Variants in TRAPPC9 observed in about 807,000 individuals in gnomAD.
TRAPPC9 encodes the protein IKK2 binding protein.
A neutral mutation model predicts 124.0 loss-of-function variants in TRAPPC9; 83 were observed. That is an observed-to-expected ratio of 0.67 (90% CI 0.56 to 0.80). The LOEUF is 0.80. Among genes scored for constraint, TRAPPC9 ranks in the 30% least tolerant of loss-of-function variants. The pLI is 0.00. For synonymous variants in TRAPPC9, 638 were observed against 617.5 expected (o/e 1.03, Z -0.49); for missense variants, 1,302 against 1,508.3 (o/e 0.86, Z 2.27).
chr8:139,838,799 G>A (rs183651891), intron 21 of TRAPPC9, among the ~76,000 whole-genome samples: 121 of 152,322 alleles, frequency 7.9e-4, no homozygotes, highest in Admixed American at 2.5e-3. Flanking sequence ...GAGGCCTGAT[G>A]TCCAGGGCTT....
chr8:139,880,454 A>G (rs1379869981), intron 21 of TRAPPC9, among the ~76,000 whole-genome samples: 1 of 152,116 alleles, frequency 6.6e-6, no homozygotes, highest in Non-Finnish European at 1.5e-5. Flanking sequence ...ATGACTTGCA[A>G]AGTCTCAAGA....
At chr8:139,735,330 G>C (rs1226261066) in intron 21 of TRAPPC9, among the ~76,000 whole-genome samples, 1 of 152,230 alleles carries the variant, frequency 6.6e-6, no homozygotes. Context: ...ATGAGCATTT[G>C]AGGGACTTTG....
intron 17 of TRAPPC9, among the ~76,000 whole-genome samples, chr8:140,083,474 G>A (rs372169932): frequency 9.3e-4 from 142 of 152,186 alleles, no homozygotes; most frequent in African/African-American, 2.6e-3. Context: ...AAACGCACAC[G>A]CAACGCAGTA....
rs572543894 is a variant in TRAPPC9 at position 140,285,074 on chromosome 8, C to A, written c.1982-1053G>T. Reference sequence around the variant, plus strand: ...TGCTTAAAATAACTGCCATATAAACCCAAAAGTCTGAGGACAAATAGCACA... The same window carrying A: ...TGCTTAAAATAACTGCCATATAAACACAAAAGTCTGAGGACAAATAGCACA... On this transcript the variant is annotated intron_variant, in intron 13 of 22. Transcript: ENST00000438773. 4.6e-5 allele frequency among the ~76,000 whole-genome samples: 7 copies of A among 152,208 alleles called. No individual in the cohort carries two copies. The South Asian group carries it at 1.5e-3, about 32-fold the overall frequency.
intron 17 of TRAPPC9, among the ~76,000 whole-genome samples, chr8:140,028,211 A>G (rs1284343271): frequency 6.6e-6 from 1 of 152,170 alleles, no homozygotes; most frequent in Non-Finnish European, 1.5e-5. Context: ...AAGACACAGG[A>G]TGTCCAAGCC....
At chr8:140,354,300 C>T (rs2067675232) in intron 9 of TRAPPC9, among the ~76,000 whole-genome samples, 1 of 152,184 alleles carries the variant, frequency 6.6e-6, no homozygotes, top group African/African-American at 2.4e-5. Flanking sequence ...TGGAATGCCA[C>T]AGAAGCTCTG....
chr8:140,351,938 A>G (rs766960886), intron 9 of TRAPPC9, among the ~76,000 whole-genome samples: 1 of 152,226 alleles, frequency 6.6e-6, no homozygotes, highest in African/African-American at 2.4e-5. Flanking sequence ...TTTTGAGGAT[A>G]TCACACAGTT....
chr8:140,305,095 C>G (rs1362731555), intron 10 of TRAPPC9, among the ~76,000 whole-genome samples: 2 of 152,190 alleles, frequency 1.3e-5, no homozygotes, highest in African/African-American at 2.4e-5. Flanking sequence ...ATGCATTTCC[C>G]CAGTGTGACT....
At chr8:140,449,067 C>G (rs2071367158) in intron 2 of TRAPPC9, among the ~76,000 whole-genome samples, 1 of 152,168 alleles carries the variant, frequency 6.6e-6, no homozygotes, top group Non-Finnish European at 1.5e-5. Flanking sequence ...TGCAAAGCAC[C>G]ACAGGCAGGT....
At chr8:140,253,682 GA>G (rs767404945) in intron 15 of TRAPPC9, among the ~76,000 whole-genome samples, 3 of 148,996 alleles carry the variant, frequency 2.0e-5, no homozygotes, top group Admixed American at 6.7e-5. Flanking sequence ...CATCTCAAAA[GA>G]AAAAAAAAAC....
At chr8:140,056,927 A>G (rs1842318297) in intron 17 of TRAPPC9, among the ~76,000 whole-genome samples, 1 of 152,252 alleles carries the variant, frequency 6.6e-6, no homozygotes, top group South Asian at 2.1e-4. Context: ...ATAAGGGATT[A>G]ATATCCAAAA....
intron 21 of TRAPPC9, among the ~76,000 whole-genome samples, chr8:139,860,349 C>T (rs558632605): frequency 6.7e-4 from 102 of 152,272 alleles, no homozygotes; most frequent in African/African-American, 2.3e-3. Context: ...GGGTGGAGGT[C>T]GGGAACAACC....
At chr8:140,112,993 C>T (rs2060811309) in intron 17 of TRAPPC9, among the ~76,000 whole-genome samples, 1 of 152,132 alleles carries the variant, frequency 6.6e-6, no homozygotes, top group African/African-American at 2.4e-5. Flanking sequence ...GCATGAGCCA[C>T]TGCAGCCAGC....
At chr8:139,854,963 G>A (rs1437085014) in intron 21 of TRAPPC9, among the ~76,000 whole-genome samples, 1 of 152,198 alleles carries the variant, frequency 6.6e-6, no homozygotes, top group African/African-American at 2.4e-5. Flanking sequence ...ACCGAGCCTT[G>A]GCATGGGCTG....
chr8:139,755,940 G>C (rs1328706085), intron 21 of TRAPPC9, among the ~76,000 whole-genome samples: 26 of 123,830 alleles, frequency 2.1e-4, no homozygotes, highest in Non-Finnish European at 3.8e-4. Context: ...GATGAGGACC[G>C]CAGGTCGCAG....
chr8:140,050,123 T>A (rs1841892693), intron 17 of TRAPPC9, among the ~76,000 whole-genome samples: 1 of 152,186 alleles, frequency 6.6e-6, no homozygotes, highest in South Asian at 2.1e-4. Flanking sequence ...CCACCAGATC[T>A]GAGGTCAGCC....
intron 21 of TRAPPC9, among the ~76,000 whole-genome samples, chr8:139,797,440 A>C (rs1365451012): frequency 6.6e-6 from 1 of 152,062 alleles, no homozygotes; most frequent in Non-Finnish European, 1.5e-5. Context: ...TTGACTTTTT[A>C]GTAGAGACAG....
rs903429178 is a variant in TRAPPC9, at chr8:139,926,546, T to C, written c.2811-16246A>G. Among the ~76,000 whole-genome samples, 9 of 133,522 alleles carry C rather than the reference T, an allele frequency of 6.7e-5. No individual in the cohort carries two copies. The South Asian group carries it at 7.0e-4, about 10-fold the overall frequency. The allele number at this position is 133,522 out of a possible 152,430, so 87.6% of individuals were successfully genotyped here. On this transcript the variant is annotated intron_variant, in intron 19 of 22. Coordinates refer to ENST00000438773, the MANE Select transcript of TRAPPC9 (RefSeq NM_001160372.4). ...AAAATAGGAATTTACAACAAAGAAA[T>C]AGAAAATATAAAAGAGAGGCAAGTG...
At chr8:140,102,536 A>C (rs897537845) in intron 17 of TRAPPC9, among the ~76,000 whole-genome samples, 1 of 152,168 alleles carries the variant, frequency 6.6e-6, no homozygotes, top group Admixed American at 6.5e-5. Flanking sequence ...GGGGAGAAGA[A>C]GACATAGTTT....
Sources: gnomAD v4.1 joint callset for allele counts (sites outside exome capture counted in the v4.1 genomes callset) on GRCh38, gnomAD v4.1.1 for gene constraint, MANE v1.5 for transcripts, NCBI Gene and HGNC (gene_info 2026-07-23, HGNC 2026-07-21) for gene names.